ZNF599: variants seen among roughly 807,000 people sequenced by gnomAD.
ZNF599 encodes zinc finger protein 599.
ZNF599 carries 10 observed loss-of-function variants against 11.7 expected under a neutral mutation model. The observed-to-expected ratio is 0.86, with a 90% CI of 0.53 to 1.45. The LOEUF (loss-of-function observed/expected upper bound fraction) is 1.45. Among genes scored for constraint, ZNF599 ranks in the 40% most tolerant of loss-of-function variants. ZNF599 has a pLI of 0.00. For missense variants in ZNF599, 688 were observed against 713.6 expected (o/e 0.96, Z 0.41); for synonymous variants, 232 against 253.2 (o/e 0.92, Z 0.79).
chr19:34,777,393 TAATATATA>T (rs2069223370), upstream of ZNF599, among the ~76,000 whole-genome samples: 1 of 90,424 alleles, frequency 1.1e-5, no homozygotes, highest in Non-Finnish European at 2.0e-5. Context: ...AATTAATATA[TAATATATA>T]TTATATATAA....
At chr19:34,803,698 C>A in the ZNF599 span, among the ~76,000 whole-genome samples, 3 of 152,136 alleles carry the variant, frequency 2.0e-5, no homozygotes, top group African/African-American at 7.2e-5. Flanking sequence ...AGACAGACAC[C>A]ATTTAAGTTC....
chr19:34,780,187 C>T, the ZNF599 span, among the ~76,000 whole-genome samples: 1 of 152,168 alleles, frequency 6.6e-6, no homozygotes. Flanking sequence ...TATTTGGTAT[C>T]CAGCCAGGTG....
chr19:34,759,046 A>C lies in ZNF599; in HGVS notation c.1755T>G (p.His585Gln), dbSNP rs2069089393. 1 of 1,610,284 alleles carries C rather than the reference A, an allele frequency of 6.2e-7. No homozygotes were observed. Among genetic ancestry groups the C allele is most frequent in the Non-Finnish European group, 8.5e-7 (1 of 1,177,358 alleles). The change falls in exon 4 of 4, where the codon CAT becomes CAG. Residue 585 changes from histidine (H) to glutamine (Q), a missense_variant. Coordinates refer to ENST00000329285, the MANE Select transcript of ZNF599 (RefSeq NM_001007248.3). ...CTTCCTGTATCTTTTAAACTCTGGT[A>C]TGAATCTTTCGATGGTGAGTGAACG... Reference protein sequence around the residue: ...SSSFTHHRKIHTRV With the variant: ...SSSFTHHRKIQTRV
the ZNF599 span, among the ~76,000 whole-genome samples, chr19:34,796,670 C>A: frequency 6.6e-6 from 1 of 152,134 alleles, no homozygotes; most frequent in Non-Finnish European, 1.5e-5. Context: ...TTCTTTTCCT[C>A]TGTGGGAAAG....
At chr19:34,773,335 G>A (rs2145468886), upstream of ZNF599, 1 of 155,530 alleles carries the variant, frequency 6.4e-6, no homozygotes, top group African/African-American at 2.4e-5. Context: ...GAATCCGGGT[G>A]GTACCTGGAG....
chr19:34,786,940 C>T, the ZNF599 span, among the ~76,000 whole-genome samples: 1 of 152,142 alleles, frequency 6.6e-6, no homozygotes, highest in African/African-American at 2.4e-5. Context: ...AAAGACTGTT[C>T]TAATCCAGTA....
chr19:34,777,526 T>C (rs1166359537), upstream of ZNF599, among the ~76,000 whole-genome samples: 1 of 118,280 alleles, frequency 8.5e-6, no homozygotes, highest in Non-Finnish European at 1.6e-5. Flanking sequence ...TAATATATTA[T>C]ATATAATCTA....
chr19:34,761,686 G>A (rs1009247772), intron 3 of ZNF599, among the ~76,000 whole-genome samples: 2 of 152,104 alleles, frequency 1.3e-5, no homozygotes, highest in African/African-American at 2.4e-5. Flanking sequence ...GGGAAAAGGA[G>A]GAACCATTCA....
At chr19:34,780,348 A>C in the ZNF599 span, among the ~76,000 whole-genome samples, 2 of 152,048 alleles carry the variant, frequency 1.3e-5, no homozygotes, top group Non-Finnish European at 2.9e-5. Context: ...TCTCTACAAA[A>C]AAATTAAAAA....
intron 1 of ZNF599, chr19:34,772,485 G>T: frequency 1.7e-6 from 2 of 1,194,568 alleles, no homozygotes; most frequent in Non-Finnish European, 2.1e-6. Context: ...TGAAAGACAG[G>T]ACCCACGTCA....
At chr19:34,773,254 G>A, upstream of ZNF599, 1 of 204,058 alleles carries the variant, frequency 4.9e-6, no homozygotes, top group East Asian at 1.1e-4. Flanking sequence ...GCCCCTCTGC[G>A]CCTTCCGTCT....
chr19:34,777,493 ATATATATTAATATAT>A (rs1034421490), upstream of ZNF599, among the ~76,000 whole-genome samples: 45 of 108,052 alleles, frequency 4.2e-4, no homozygotes, highest in South Asian at 1.9e-3. Flanking sequence ...ATAATATATG[ATATATATTAATATAT>A]TATATATTAA....
At chr19:34,799,827 A>G in the ZNF599 span, among the ~76,000 whole-genome samples, 1 of 152,372 alleles carries the variant, frequency 6.6e-6, no homozygotes, top group African/African-American at 2.4e-5. Context: ...AAGAGAACAG[A>G]GCTGCTGTTA....
At chr19:34,780,638 GGAAA>G in the ZNF599 span, among the ~76,000 whole-genome samples, 88 of 134,392 alleles carry the variant, frequency 6.5e-4, 2 homozygotes, top group African/African-American at 2.4e-3. Flanking sequence ...AGAAAGGAAA[GGAAA>G]GAAAGAGAGA....
At chr19:34,800,784 G>T in the ZNF599 span, among the ~76,000 whole-genome samples, 3 of 151,520 alleles carry the variant, frequency 2.0e-5, no homozygotes, top group Non-Finnish European at 4.4e-5. Flanking sequence ...TAGTAGAGAC[G>T]GGGTTTCACC....
At chr19:34,791,034 C>G in the ZNF599 span, among the ~76,000 whole-genome samples, 1 of 152,142 alleles carries the variant, frequency 6.6e-6, no homozygotes, top group Admixed American at 6.5e-5. Flanking sequence ...TATACAGTTC[C>G]ATATATTATC....
At chr19:34,765,918 T>C (rs971112472) in intron 3 of ZNF599, among the ~76,000 whole-genome samples, 6 of 152,024 alleles carry the variant, frequency 3.9e-5, no homozygotes, top group African/African-American at 1.4e-4. Context: ...TGGAAACTAG[T>C]GAAGGTGAGG....
At chr19:34,800,075 C>T in the ZNF599 span, among the ~76,000 whole-genome samples, 1 of 152,132 alleles carries the variant, frequency 6.6e-6, no homozygotes, top group Non-Finnish European at 1.5e-5. Flanking sequence ...CTGTGTATGT[C>T]TTCTCTGGTA....
chr19:34,781,132 G>A, the ZNF599 span, among the ~76,000 whole-genome samples: 11 of 150,924 alleles, frequency 7.3e-5, no homozygotes, highest in Admixed American at 1.3e-4. Flanking sequence ...CTCCAGCCTG[G>A]GTGATAGAGC....
Sources: allele counts gnomAD v4.1 joint callset (sites outside exome capture counted in the v4.1 genomes callset), GRCh38; gene constraint gnomAD v4.1.1; transcripts MANE v1.5; gene names NCBI Gene and HGNC (gene_info 2026-07-23, HGNC 2026-07-21).